The following PACRG variants were observed in gnomAD, a reference collection of about 807,000 sequenced individuals.
The protein encoded by PACRG is parkin coregulated gene protein.
A neutral mutation model predicts 29.7 loss-of-function variants in PACRG; 29 were observed. That is an observed-to-expected ratio of 0.98 (90% CI 0.73 to 1.33). The LOEUF (loss-of-function observed/expected upper bound fraction) is 1.33, where lower values mean the gene tolerates loss of function less well. Ranked by LOEUF, PACRG falls within the 40% of genes most tolerant of loss-of-function variation. PACRG has a pLI of 0.00. For synonymous variants in PACRG, 116 were observed against 118.7 expected (o/e 0.98, Z 0.15); for missense variants, 279 against 316.2 (o/e 0.88, Z 0.89).
At chr6:163,118,713 A>G (rs1010402699) in intron 4 of PACRG, among the ~76,000 whole-genome samples, 1 of 152,202 alleles carries the variant, frequency 6.6e-6, no homozygotes, top group African/African-American at 2.4e-5. Flanking sequence ...CTGGTTTCTA[A>G]CTGGTTTGAC....
chr6:162,805,617 C>T (rs1390129119), intron 1 of PACRG, among the ~76,000 whole-genome samples: 4 of 152,158 alleles, frequency 2.6e-5, no homozygotes, highest in Non-Finnish European at 4.4e-5. Flanking sequence ...CACAGTAAAA[C>T]TTCTTTCAAA....
At chr6:163,129,297 AT>A (rs1365707857) in intron 4 of PACRG, among the ~76,000 whole-genome samples, 1 of 152,226 alleles carries the variant, frequency 6.6e-6, no homozygotes, top group African/African-American at 2.4e-5. Context: ...TTGGAGGCAG[AT>A]TTAGTCCCGT....
At chr6:162,743,519 G>T (rs1780757840) in intron 1 of PACRG, among the ~76,000 whole-genome samples, 1 of 151,748 alleles carries the variant, frequency 6.6e-6, no homozygotes, top group African/African-American at 2.4e-5. Context: ...TTTTTTCCTT[G>T]ATTGGATTTA....
intron 4 of PACRG, among the ~76,000 whole-genome samples, chr6:163,223,948 A>G (rs1048240907): frequency 6.6e-5 from 10 of 152,238 alleles, no homozygotes; most frequent in Admixed American, 2.6e-4. Flanking sequence ...AATAACGCCT[A>G]TAAGAGACTG....
intron 2 of PACRG, among the ~76,000 whole-genome samples, chr6:162,994,965 C>T (rs1193969830): frequency 6.7e-6 from 1 of 149,574 alleles, no homozygotes; most frequent in African/African-American, 2.5e-5. Context: ...TAACAGACAG[C>T]ACCCTCAGCT....
At chr6:163,206,612 C>T (rs976714167) in intron 4 of PACRG, among the ~76,000 whole-genome samples, 9 of 152,004 alleles carry the variant, frequency 5.9e-5, no homozygotes, top group African/African-American at 2.2e-4. Flanking sequence ...TGCTTAGTAC[C>T]TGGGTGAAAA....
intron 4 of PACRG, among the ~76,000 whole-genome samples, chr6:163,145,836 T>G (rs1777774854): frequency 6.6e-6 from 1 of 152,154 alleles, no homozygotes; most frequent in South Asian, 2.1e-4. Flanking sequence ...TTTGGGTGTG[T>G]CTAGGGGGCA....
chr6:162,885,260 C>G (rs1404692236), intron 2 of PACRG, among the ~76,000 whole-genome samples: 4 of 132,018 alleles, frequency 3.0e-5, no homozygotes, highest in African/African-American at 1.2e-4. Flanking sequence ...TGGGAGCTTT[C>G]TTTCTCTTTT....
rs561610027 is a variant in PACRG at position 162,939,388 on chromosome 6, CA to C, written c.292-122759del. Among the ~76,000 whole-genome samples, 11 of 152,210 alleles carry C rather than the reference CA, an allele frequency of 7.2e-5. No homozygotes were observed. In the South Asian group the frequency reaches 2.3e-3, roughly 32 times the overall value. On this transcript the variant is annotated intron_variant, in intron 2 of 4. Transcript: ENST00000366888. Reference sequence around the variant, plus strand: ...AGCCCAAAAGCAAATGCAATAAAAACAAAGATAAATAGCTGAGACTTAATTA... The same window carrying C: ...AGCCCAAAAGCAAATGCAATAAAAACAAGATAAATAGCTGAGACTTAATTA...
chr6:162,913,083 A>G (rs1796425409), intron 2 of PACRG, among the ~76,000 whole-genome samples: 1 of 152,222 alleles, frequency 6.6e-6, no homozygotes, highest in South Asian at 2.1e-4. Context: ...CTTTAGGCTT[A>G]TTTGTGTGTT....
At chr6:163,258,144 A>G (rs1214291173) in intron 4 of PACRG, among the ~76,000 whole-genome samples, 1 of 152,174 alleles carries the variant, frequency 6.6e-6, no homozygotes, top group Non-Finnish European at 1.5e-5. Flanking sequence ...TCCATTAAGC[A>G]CAATATGGGC....
chr6:162,888,701 G>C (rs1794541306), intron 2 of PACRG, among the ~76,000 whole-genome samples: 1 of 152,190 alleles, frequency 6.6e-6, no homozygotes. Flanking sequence ...GCCTGGGTCT[G>C]CAGGGGTCAG....
chr6:163,273,198 C>G (rs2128180979), intron 4 of PACRG, among the ~76,000 whole-genome samples: 1 of 152,286 alleles, frequency 6.6e-6, no homozygotes, highest in Admixed American at 6.5e-5. Flanking sequence ...CGGCCTGCAT[C>G]ATTCTTTTGA....
intron 2 of PACRG, among the ~76,000 whole-genome samples, chr6:162,822,316 G>A (rs1282481261): frequency 6.6e-6 from 1 of 152,232 alleles, no homozygotes; most frequent in Non-Finnish European, 1.5e-5. Flanking sequence ...TTTTCCTGTA[G>A]TAATTCTCAT....
intron 4 of PACRG, among the ~76,000 whole-genome samples, chr6:163,194,938 A>T (rs149267376): frequency 6.6e-6 from 1 of 151,452 alleles, no homozygotes; most frequent in African/African-American, 2.4e-5. Context: ...CTTTGCAGGC[A>T]TCAGATATTT....
chr6:163,312,186 AG>A (rs1475948172), intron 4 of PACRG, among the ~76,000 whole-genome samples: 5 of 152,140 alleles, frequency 3.3e-5, no homozygotes, highest in Admixed American at 3.3e-4. Flanking sequence ...TTTCATGCCT[AG>A]GAGGAGTTTA....
chr6:162,948,487 T>A (rs976930482), intron 2 of PACRG, among the ~76,000 whole-genome samples: 1 of 152,054 alleles, frequency 6.6e-6, no homozygotes, highest in African/African-American at 2.4e-5. Flanking sequence ...AGGAAACGAT[T>A]TTATGGCTAA....
chr6:163,224,742 A>T (rs1352112256), intron 4 of PACRG, among the ~76,000 whole-genome samples: 1 of 152,218 alleles, frequency 6.6e-6, no homozygotes, highest in African/African-American at 2.4e-5. Context: ...AGAAGAAAAC[A>T]TAGGGGAAAA....
chr6:163,018,091 A>G (rs500366), intron 2 of PACRG, among the ~76,000 whole-genome samples: 13,785 of 152,154 alleles, frequency 0.091, 841 homozygotes, highest in Non-Finnish European at 0.13. Context: ...TTTTCTGCAC[A>G]CTTTTAGGAA....
Sources: gnomAD v4.1 joint callset for allele counts (sites outside exome capture counted in the v4.1 genomes callset) on GRCh38, gnomAD v4.1.1 for gene constraint, MANE v1.5 for transcripts, NCBI Gene and HGNC (gene_info 2026-07-23, HGNC 2026-07-21) for gene names.